STIM2: variants seen among roughly 807,000 people sequenced by gnomAD.
The protein encoded by STIM2 is stromal interaction molecule 2.
Under a neutral mutation model 85.8 loss-of-function variants are expected in STIM2, and 31 were observed. The observed-to-expected ratio is 0.36, with a 90% CI of 0.27 to 0.49. STIM2 has a LOEUF of 0.49. Ranked by LOEUF, STIM2 falls within the 20% of genes least tolerant of loss-of-function variation. The pLI, the probability that STIM2 is intolerant of heterozygous loss-of-function variation, is 0.98. For synonymous variants in STIM2, 356 were observed against 331.1 expected (o/e 1.08, Z -0.82); for missense variants, 841 against 927.6 (o/e 0.91, Z 1.21).
At chr4:27,005,754 A>C (rs1391166026) in intron 7 of STIM2, among the ~76,000 whole-genome samples, 3 of 152,220 alleles carry the variant, frequency 2.0e-5, no homozygotes, top group Admixed American at 6.5e-5. Context: ...CAATCTGAAC[A>C]TTGTTCAGCT....
At chr4:27,012,311 T>C (rs1261842085) in intron 10 of STIM2, among the ~76,000 whole-genome samples, 1 of 152,116 alleles carries the variant, frequency 6.6e-6, no homozygotes, top group Admixed American at 6.5e-5. Context: ...AAAGGTTCCA[T>C]TGGGTTTAAA....
intron 2 of STIM2, among the ~76,000 whole-genome samples, chr4:26,929,787 A>G (rs1725135852): frequency 6.6e-6 from 1 of 152,084 alleles, no homozygotes; most frequent in African/African-American, 2.4e-5. Context: ...GATAGACAAA[A>G]TCTGTGCCTT....
intron 10 of STIM2, among the ~76,000 whole-genome samples, chr4:27,012,931 T>C (rs1022693087): frequency 3.3e-5 from 5 of 152,102 alleles, no homozygotes; most frequent in Admixed American, 3.3e-4. Flanking sequence ...CGTTTTTTAT[T>C]CTGCTGAATT....
intron 1 of STIM2, 138 bp downstream of exon 1, chr4:26,861,507 C>T: frequency 8.3e-7 from 1 of 1,204,964 alleles, no homozygotes; most frequent in Non-Finnish European, 1.0e-6. Flanking sequence ...CTGCCTGCTG[C>T]TTCGTCGCGG....
intron 7 of STIM2, among the ~76,000 whole-genome samples, chr4:27,003,793 G>A (rs1728240783): frequency 6.6e-6 from 1 of 152,152 alleles, no homozygotes; most frequent in Non-Finnish European, 1.5e-5. Context: ...TCCCTCTGCA[G>A]GCTGTAGGGG....
chr4:26,892,216 C>T (rs923016623), intron 1 of STIM2, among the ~76,000 whole-genome samples: 1 of 152,154 alleles, frequency 6.6e-6, no homozygotes, highest in Non-Finnish European at 1.5e-5. Context: ...TGAACGAATA[C>T]ATCAGGCTTT....
At chr4:26,987,410 G>A (rs1051726063) in intron 3 of STIM2, among the ~76,000 whole-genome samples, 1 of 152,134 alleles carries the variant, frequency 6.6e-6, no homozygotes, top group African/African-American at 2.4e-5. Flanking sequence ...AGCAGCATGG[G>A]TGAGGAGTAA....
At chr4:26,919,768 A>G (rs1724728168) in intron 2 of STIM2, 134 bp downstream of exon 2, 3 of 1,087,492 alleles carry the variant, frequency 2.8e-6, no homozygotes, top group South Asian at 1.7e-5. Context: ...TTCTTTTTAC[A>G]TGTTAATTTT....
chr4:26,907,101 G>T (rs577798173), intron 1 of STIM2, among the ~76,000 whole-genome samples: 4 of 152,140 alleles, frequency 2.6e-5, no homozygotes, highest in Non-Finnish European at 5.9e-5. Flanking sequence ...TTCCTAAGGA[G>T]AATTTTTTGA....
intron 2 of STIM2, among the ~76,000 whole-genome samples, chr4:26,954,779 A>G (rs1044023924): frequency 6.8e-6 from 1 of 148,090 alleles, no homozygotes; most frequent in Non-Finnish European, 1.5e-5. Flanking sequence ...ATTTCTAATT[A>G]TACTGGTTTC....
intron 1 of STIM2, among the ~76,000 whole-genome samples, chr4:26,895,084 C>T (rs1380047541): frequency 3.9e-5 from 6 of 152,172 alleles, no homozygotes; most frequent in Admixed American, 1.3e-4. Context: ...TGATGGCGCA[C>T]GCCTGAAATC....
At chr4:26,946,253 T>C (rs1351240744) in intron 2 of STIM2, among the ~76,000 whole-genome samples, 1 of 152,228 alleles carries the variant, frequency 6.6e-6, no homozygotes, top group African/African-American at 2.4e-5. Flanking sequence ...AACTCAATTC[T>C]GACCTTTCAC....
Position 26,934,055 on chromosome 4 carries a change from G to A in STIM2, c.282+14421G>A, listed in dbSNP as rs562082731. Among the ~76,000 whole-genome samples, 11 of 152,148 alleles carry A rather than the reference G, an allele frequency of 7.2e-5. No homozygotes were observed. The South Asian group carries it at 1.0e-3, about 14-fold the overall frequency. On this transcript the variant is annotated intron_variant, in intron 2 of 11. Transcript: ENST00000467087. ...CTAAAAATACAAAAATTAGCCGGGC[G>A]TGGTGGCACGCGCCTGTAATCCCAG... is the stretch of plus-strand genomic sequence containing the variant.
chr4:26,929,123 A>G (rs1725106176), intron 2 of STIM2, among the ~76,000 whole-genome samples: 1 of 152,198 alleles, frequency 6.6e-6, no homozygotes, highest in South Asian at 2.1e-4. Flanking sequence ...CTAATTTGAA[A>G]ATATTGATTA....
intron 1 of STIM2, among the ~76,000 whole-genome samples, chr4:26,910,087 A>G (rs1308689446): frequency 6.6e-6 from 1 of 152,202 alleles, no homozygotes. Flanking sequence ...GGAAACCAGG[A>G]GTCAAGAAAT....
chr4:26,938,657 A>T (rs1216168788), intron 2 of STIM2, among the ~76,000 whole-genome samples: 1 of 152,200 alleles, frequency 6.6e-6, no homozygotes, highest in East Asian at 1.9e-4. Context: ...TAAAGTGCTA[A>T]GCTATATCAG....
In STIM2 at chr4:27,023,161, T is replaced by G; in HGVS notation, c.*165T>G. 1.5e-6 allele frequency: 1 copy of G among 663,208 alleles called. No individual in the cohort carries two copies. Among genetic ancestry groups the G allele is most frequent in the South Asian group, 1.9e-5 (1 of 53,606 alleles). The allele number at this position is 663,208 out of a possible 1,614,324, so 41.1% of individuals were successfully genotyped here. ...CATCCAGAAGGGCAACTGTCTACTG[T>G]CTGCTTATTTAAGTGACTATATATA... On this transcript the variant is annotated 3_prime_UTR_variant, in exon 12 of 12. Transcript: ENST00000467087.
In STIM2 at chr4:27,003,115, TAA is replaced by T; in HGVS notation, c.981+20_981+21del. 4 of 1,384,124 alleles carry T rather than the reference TAA, an allele frequency of 2.9e-6. No individual in the cohort carries two copies. The highest frequency in any genetic ancestry group is 2.9e-5 in the South Asian group (2 of 68,268). 85.7% of individuals were successfully genotyped at this position (1,384,124 alleles called of 1,614,324 possible). A position where few individuals can be genotyped will look rare whatever the true frequency, so the allele number is the denominator to read the frequency against. ...CAGGAATTGGAACAGGTATTTACATTAAAAAAAAAATCACTTGTAAAGATGTT... is the reference window on the plus strand; with the variant it reads ...CAGGAATTGGAACAGGTATTTACATTAAAAAAAATCACTTGTAAAGATGTT... On this transcript the variant is annotated intron_variant, in intron 7 of 11. Transcript: ENST00000467087.
In STIM2 at chr4:27,003,074, ACGT is replaced by A. The variant is rs1343090458; in HGVS notation, c.953_955del (p.Arg318del). 1.9e-6 allele frequency: 3 copies of A among 1,592,724 alleles called. No homozygotes were observed. The highest frequency in any genetic ancestry group is 2.6e-6 in the Non-Finnish European group (3 of 1,172,402). ...AGGGAGCTGAATGTGAATTGAGTAG[ACGT>A]CAGTATGCAGAACAGGAATTGGAAC... On this transcript the variant is annotated inframe_deletion, in exon 7 of 12. Transcript: ENST00000467087.
Sources: allele counts gnomAD v4.1 joint callset (sites outside exome capture counted in the v4.1 genomes callset), GRCh38; gene constraint gnomAD v4.1.1; transcripts MANE v1.5; gene names NCBI Gene and HGNC (gene_info 2026-07-23, HGNC 2026-07-21).